The following HMGXB3 variants were observed in gnomAD, a reference collection of about 807,000 sequenced individuals.
The protein encoded by HMGXB3 is HMG domain-containing protein 3.
HMGXB3 carries 45 observed loss-of-function variants against 121.5 expected under a neutral mutation model. That is an observed-to-expected ratio of 0.37 (90% CI 0.29 to 0.47). HMGXB3 has a LOEUF of 0.47. Ranked by LOEUF, HMGXB3 falls within the 20% of genes least tolerant of loss-of-function variation. HMGXB3 has a pLI of 0.99. For synonymous variants in HMGXB3, 590 were observed against 624.1 expected (o/e 0.95, Z 0.81); for missense variants, 1,376 against 1,602.2 (o/e 0.86, Z 2.41).
In HMGXB3 at chr5:150,037,512, A is replaced by G. The variant is rs781156160; in HGVS notation, c.2398A>G (p.Ile800Val). 15 of 1,547,640 alleles carry G rather than the reference A, an allele frequency of 9.7e-6. No homozygotes were observed. The highest frequency in any genetic ancestry group is 1.3e-5 in the Non-Finnish European group (15 of 1,144,444). The change falls in exon 13 of 20, where the codon ATA becomes GTA. Residue 800 changes from isoleucine (I) to valine (V), a missense_variant. This residue lies in a region of HMGXB3 where 1,116 missense variants were observed against 1,369.0 expected (regional missense o/e 0.82). Coordinates refer to ENST00000502717, the MANE Select transcript of HMGXB3 (RefSeq NM_014983.3). ...CCATTGTCTGGCCCTGCACAGCTTC[A>G]TAGACATCTACACAGGTGGGTGCCA... The part of the protein sequence containing the change: ...NPHCLALHSF[I>V]DIYTGLFNVG...
intron 6 of HMGXB3, among the ~76,000 whole-genome samples, chr5:150,019,623 GAGAC>G (rs1167518408): frequency 6.6e-6 from 1 of 152,220 alleles, no homozygotes; most frequent in Non-Finnish European, 1.5e-5. Flanking sequence ...TATAAGGACT[GAGAC>G]AGACAGGCAA....
At chr5:150,021,564 G>T in intron 6 of HMGXB3, 2 of 385,332 alleles carry the variant, frequency 5.2e-6, no homozygotes, top group South Asian at 5.0e-5. Flanking sequence ...TAAAATAGTT[G>T]ACTTAAGCAT....
chr5:150,018,825 T>C, intron 6 of HMGXB3, 128 bp downstream of exon 6: 1 of 863,672 alleles, frequency 1.2e-6, no homozygotes, highest in Non-Finnish European at 1.7e-6. Flanking sequence ...GTAAATCATT[T>C]CCATTGTATA....
At chr5:150,048,262 A>G (rs902589248) in intron 17 of HMGXB3, among the ~76,000 whole-genome samples, 49 of 152,166 alleles carry the variant, frequency 3.2e-4, no homozygotes, top group Non-Finnish European at 8.8e-5. Context: ...TTCCTTCAAG[A>G]TCAGATTCAA....
intron 2 of HMGXB3, among the ~76,000 whole-genome samples, chr5:150,005,325 C>T (rs1004688480): frequency 8.5e-5 from 13 of 152,112 alleles, no homozygotes; most frequent in Non-Finnish European, 1.5e-4. Flanking sequence ...TAAGGCTGGG[C>T]GTGATGGCTC....
At chr5:150,015,854 C>G (rs1157956605) in intron 5 of HMGXB3, among the ~76,000 whole-genome samples, 1 of 152,090 alleles carries the variant, frequency 6.6e-6, no homozygotes, top group African/African-American at 2.4e-5. Context: ...TAAACTGAAT[C>G]CCTTTAAATT....
At chr5:150,030,701 TA>T in intron 9 of HMGXB3, 39 bp from the exon 10 acceptor site, 1 of 1,467,478 alleles carries the variant, frequency 6.8e-7, no homozygotes, top group Non-Finnish European at 9.3e-7. Flanking sequence ...GGAGTTTGGC[TA>T]AGGTTCAAAA....
At chr5:150,034,078 A>G (rs1188924938) in intron 11 of HMGXB3, among the ~76,000 whole-genome samples, 5 of 152,192 alleles carry the variant, frequency 3.3e-5, no homozygotes, top group Middle Eastern at 3.2e-3. Context: ...GCCTTAGAGA[A>G]GACTGATAAT....
At chr5:150,038,112 C>G (rs959591731) in intron 13 of HMGXB3, among the ~76,000 whole-genome samples, 1 of 152,164 alleles carries the variant, frequency 6.6e-6, no homozygotes, top group African/African-American at 2.4e-5. Flanking sequence ...TGGACAAATA[C>G]TCAGAAGTGG....
chr5:150,023,270 G>A (rs1338618150), intron 6 of HMGXB3, among the ~76,000 whole-genome samples: 1 of 152,098 alleles, frequency 6.6e-6, no homozygotes, highest in Non-Finnish European at 1.5e-5. Context: ...AATGTGCAGG[G>A]AGGTCCTACA....
chr5:150,011,486 G>T (rs1288653190), intron 4 of HMGXB3, among the ~76,000 whole-genome samples: 1 of 152,162 alleles, frequency 6.6e-6, no homozygotes, highest in African/African-American at 2.4e-5. Context: ...GGGCAGAAGA[G>T]AACAAGTACC....
Position 150,051,321 on chromosome 5 carries a change from TTATA to T in HMGXB3, c.3412-403_3412-400del. Among the ~76,000 whole-genome samples the T allele has an allele frequency of 2.0e-5, 3 of 152,258 alleles. 1 individual carries two copies. On this transcript the variant is annotated intron_variant, in intron 19 of 19. Transcript: ENST00000502717. ...GGTTGAGTGCCCCAGCCAGGATGCA[TTATA>T]GGAAGTGAAGGCCTCTGGCTTTGCC...
rs370007128 is a variant in HMGXB3, at chr5:150,052,036, C to T, written c.3723C>T (p.Arg1241=). Reference sequence around the variant, plus strand: ...GCCTCATGGACTTCCTCACCAGCCGCGAAATTGTCAATCGTCAGATCCATG... The same window carrying T: ...GCCTCATGGACTTCCTCACCAGCCGTGAAATTGTCAATCGTCAGATCCATG... ...YNRLMDFLTS[R]EIVNRQIHDI... The change falls in exon 20 of 20, where the codon CGC becomes CGT. Residue 1241 remains arginine, a synonymous_variant. Transcript: ENST00000502717. 184 of 1,552,070 alleles carry T rather than the reference C, an allele frequency of 1.2e-4. No individual in the cohort carries two copies. The highest frequency in any genetic ancestry group is 3.0e-4 in the African/African-American group (22 of 73,176).
At chr5:150,012,411 T>G in intron 5 of HMGXB3, 58 bp downstream of exon 5, 1 of 1,184,166 alleles carries the variant, frequency 8.4e-7, no homozygotes, top group Admixed American at 2.0e-5. Flanking sequence ...ATTTTTTTTC[T>G]AAGTAGATTT....
At chr5:150,005,029 CAG>C in intron 2 of HMGXB3, 40 bp downstream of exon 2, 1 of 1,526,080 alleles carries the variant, frequency 6.6e-7, no homozygotes, top group Non-Finnish European at 8.8e-7. Flanking sequence ...CATTTATAAA[CAG>C]AAGTTGCTTG....
intron 10 of HMGXB3, 58 bp downstream of exon 10, chr5:150,030,897 TGAAGG>T (rs1333914874): frequency 7.7e-7 from 1 of 1,293,106 alleles, no homozygotes; most frequent in Non-Finnish European, 1.1e-6. Context: ...ATTTTGTGGT[TGAAGG>T]TCAGTAGGAG....
Position 150,026,695 on chromosome 5 carries a change from A to C in HMGXB3, c.1461-11A>C, listed in dbSNP as rs1453472579. ...CCAGAATTTCCAGATTTCTCTTCTT[A>C]TTCTTTTCAGAGCTGACCTGCTTAC... On this transcript the variant is annotated splice_polypyrimidine_tract_variant and intron_variant, in intron 7 of 19. Coordinates refer to ENST00000502717, the MANE Select transcript of HMGXB3 (RefSeq NM_014983.3). The C allele has an allele frequency of 7.8e-6, 12 of 1,545,972 alleles. No individual in the cohort carries two copies. In the African/African-American group the frequency reaches 8.3e-5, roughly 11 times the overall value.
Position 150,004,832 on chromosome 5 carries a change from T to C in HMGXB3, c.-2-19T>C, listed in dbSNP as rs1022950062. 50 of 1,518,244 alleles carry C rather than the reference T, an allele frequency of 3.3e-5. No individual in the cohort carries two copies. In the Admixed American group the frequency reaches 7.0e-4, roughly 21 times the overall value. The allele number at this position is 1,518,244 out of a possible 1,614,324, so 94.0% of individuals were successfully genotyped here. A position where few individuals can be genotyped will look rare whatever the true frequency, so the allele number is the denominator to read the frequency against. Reference sequence around the variant, plus strand: ...AGGGGAGATTCTGGAAACTTTATTTTGACTTTCCTTTCCTTTAGCCATGGA... The same window carrying C: ...AGGGGAGATTCTGGAAACTTTATTTCGACTTTCCTTTCCTTTAGCCATGGA... On this transcript the variant is annotated intron_variant, in intron 1 of 19. Transcript: ENST00000502717.
rs1421366767 is a variant in HMGXB3 at position 150,024,627 on chromosome 5, A to C, written c.1407A>C (p.Pro469=). The change falls in exon 7 of 20, where the codon CCA becomes CCC. Residue 469 remains proline, a synonymous_variant. Coordinates refer to ENST00000502717, the MANE Select transcript of HMGXB3 (RefSeq NM_014983.3). ...GTCCTGGAGCAGACGTACCAACACC[A>C]TCCGAGGGGACAAGTACCTCCAGTC... ...NDSPGADVPT[P]SEGTSTSSPL... 1 of 1,551,738 alleles carries C rather than the reference A, an allele frequency of 6.4e-7. No homozygotes were observed. Among genetic ancestry groups the C allele is most frequent in the Non-Finnish European group, 8.7e-7 (1 of 1,146,954 alleles).
Sources: gnomAD v4.1 joint callset for allele counts (sites outside exome capture counted in the v4.1 genomes callset) on GRCh38, gnomAD v4.1.1 for gene constraint, gnomAD v4.1.1 regional missense constraint, MANE v1.5 for transcripts, NCBI Gene and HGNC (gene_info 2026-07-23, HGNC 2026-07-21) for gene names.